THRB: variants seen among roughly 807,000 people sequenced by gnomAD.
The protein encoded by THRB is thyroid hormone receptor beta.
A neutral mutation model predicts 47.8 loss-of-function variants in THRB; 12 were observed. The ratio of observed to expected loss-of-function variants is 0.25; its 90% CI spans 0.16 to 0.41. The LOEUF (loss-of-function observed/expected upper bound fraction) is 0.41. THRB is among the 10% of genes least tolerant of loss of function. The probability of loss-of-function intolerance (pLI) is 1.00; values close to 1 mark genes in which losing one functional copy is unlikely to be tolerated. For synonymous variants in THRB, 218 were observed against 212.2 expected (o/e 1.03, Z -0.24); for missense variants, 348 against 589.2 (o/e 0.59, Z 4.24).
At chr3:24,409,556 G>A (rs1321950946) in intron 1 of THRB, among the ~76,000 whole-genome samples, 1 of 151,682 alleles carries the variant, frequency 6.6e-6, no homozygotes, top group Admixed American at 6.6e-5. Context: ...AGCTGTACAA[G>A]GAGAATTACA....
intron 1 of THRB, among the ~76,000 whole-genome samples, chr3:24,452,104 G>A (rs530148282): frequency 2.0e-5 from 3 of 152,206 alleles, no homozygotes; most frequent in African/African-American, 7.2e-5. Context: ...AGTCTTGGGG[G>A]CTGGGGAGTA....
At chr3:24,416,926 T>C (rs1194957234) in intron 1 of THRB, among the ~76,000 whole-genome samples, 1 of 151,948 alleles carries the variant, frequency 6.6e-6, no homozygotes, top group Non-Finnish European at 1.5e-5. Context: ...TAGACGTTAA[T>C]GTTTGTGAAC....
chr3:24,156,195 TG>T (rs1245960358), intron 5 of THRB, among the ~76,000 whole-genome samples: 4 of 152,250 alleles, frequency 2.6e-5, no homozygotes, highest in Admixed American at 2.6e-4. Flanking sequence ...GGGAAAGTTT[TG>T]TACATTTGCA....
chr3:24,288,702 C>A (rs1041686559), intron 3 of THRB, among the ~76,000 whole-genome samples: 26 of 152,156 alleles, frequency 1.7e-4, no homozygotes, highest in Admixed American at 1.4e-3. Flanking sequence ...TACACTAAAG[C>A]AGTGTTTTTC....
Position 24,311,746 on chromosome 3 carries a change from T to C in THRB, c.-188-14375A>G, listed in dbSNP as rs2057774963. 2.6e-5 allele frequency among the ~76,000 whole-genome samples: 4 copies of C among 152,306 alleles called. No homozygotes were observed. The South Asian group carries it at 8.3e-4, about 32-fold the overall frequency. On this transcript the variant is annotated intron_variant, in intron 2 of 10. Coordinates refer to ENST00000646209, the MANE Select transcript of THRB (RefSeq NM_001354712.2). The stretch of plus-strand genomic sequence containing the variant: ...TCCTTGCTCTTTCAATGTTGGTTCA[T>C]ACCAACATTATTTCTCACCTGGATT...
intron 1 of THRB, among the ~76,000 whole-genome samples, chr3:24,372,592 C>T (rs1267354776): frequency 6.6e-6 from 1 of 152,066 alleles, no homozygotes; most frequent in Non-Finnish European, 1.5e-5. Flanking sequence ...TAATCCAGGG[C>T]TGTTCCTTTA....
At chr3:24,253,838 C>T (rs1245777311) in intron 3 of THRB, among the ~76,000 whole-genome samples, 1 of 151,938 alleles carries the variant, frequency 6.6e-6, no homozygotes, top group Non-Finnish European at 1.5e-5. Context: ...GGTTTGAAAA[C>T]AAACACAGCA....
intron 1 of THRB, among the ~76,000 whole-genome samples, chr3:24,479,159 T>G (rs886798197): frequency 4.6e-5 from 7 of 151,942 alleles, no homozygotes; most frequent in African/African-American, 9.7e-5. Flanking sequence ...AAAATTTGCC[T>G]GGCGTGGTGG....
upstream of THRB, chr3:24,495,130 T>G (rs2126005881): frequency 6.6e-6 from 1 of 151,990 alleles, no homozygotes; most frequent in East Asian, 2.0e-4. Flanking sequence ...GGCGCTGTCT[T>G]ACTCCGGGCC....
At chr3:24,417,227 T>G (rs1321233788) in intron 1 of THRB, among the ~76,000 whole-genome samples, 1 of 151,836 alleles carries the variant, frequency 6.6e-6, no homozygotes, top group East Asian at 2.0e-4. Flanking sequence ...GTGAATTCAT[T>G]AAATACATAT....
chr3:24,149,460 T>C (rs1262942555), intron 6 of THRB, among the ~76,000 whole-genome samples: 3 of 152,176 alleles, frequency 2.0e-5, no homozygotes, highest in African/African-American at 7.2e-5. Context: ...GAGAATGAGG[T>C]GTGACACACC....
At chr3:24,264,878 G>A (rs372873317) in intron 3 of THRB, among the ~76,000 whole-genome samples, 1 of 152,234 alleles carries the variant, frequency 6.6e-6, no homozygotes, top group East Asian at 1.9e-4. Flanking sequence ...ACAGCAGAGG[G>A]CCCCAGAACC....
intron 4 of THRB, among the ~76,000 whole-genome samples, chr3:24,208,898 A>T (rs960406473): frequency 6.6e-6 from 1 of 152,256 alleles, no homozygotes; most frequent in African/African-American, 2.4e-5. Context: ...CATCAGAGTG[A>T]ACAGGCAACC....
rs888631903 is a variant in THRB at position 24,417,243 on chromosome 3, T to G, written c.-261+77409A>C. On this transcript the variant is annotated intron_variant, in intron 1 of 10. Coordinates refer to ENST00000646209, the MANE Select transcript of THRB (RefSeq NM_001354712.2). ...TGAATTCATTAAATACATATAATTG[T>G]GTATTTATGCAAGTAGGCTTGAGAG... is the stretch of plus-strand genomic sequence containing the variant. Among the ~76,000 whole-genome samples, 6 of 151,960 alleles carry G rather than the reference T, an allele frequency of 3.9e-5. No individual in the cohort carries two copies. The East Asian group carries it at 1.2e-3, about 30-fold the overall frequency.
Position 24,228,998 on chromosome 3 carries a change from T to C in THRB, c.-39A>G. The C allele has an allele frequency of 1.9e-6, 3 of 1,560,488 alleles. No individual in the cohort carries two copies. Among genetic ancestry groups the C allele is most frequent in the Non-Finnish European group, 2.6e-6 (3 of 1,142,952 alleles). ...TTCTGGATCCCTTTTTTCACTGACA[T>C]CTCCTACAAGGAAAAAATACAAAAA... On this transcript the variant is annotated 5_prime_UTR_variant, in exon 4 of 11. It removes an upstream start codon present in the reference 5' UTR. Transcript: ENST00000646209.
At chr3:24,465,181 G>A (rs1255583259) in intron 1 of THRB, among the ~76,000 whole-genome samples, 1 of 151,994 alleles carries the variant, frequency 6.6e-6, no homozygotes, top group African/African-American at 2.4e-5. Flanking sequence ...TTCATCCTTA[G>A]TTTTGAATTA....
At chr3:24,347,793 A>C (rs73041657) in intron 1 of THRB, among the ~76,000 whole-genome samples, 1,972 of 152,162 alleles carry the variant, frequency 0.013, 19 homozygotes, top group South Asian at 0.026. Flanking sequence ...TAAAAATGTG[A>C]ATGGTACTAT....
At chr3:24,195,879 C>T (rs12632126) in intron 4 of THRB, among the ~76,000 whole-genome samples, 2,377 of 152,342 alleles carry the variant, frequency 0.016, 51 homozygotes, top group African/African-American at 0.046. Context: ...ACCAGCTCTC[C>T]AACCATTTTC....
At chr3:24,289,216 C>T (rs191980053) in intron 3 of THRB, among the ~76,000 whole-genome samples, 3 of 152,196 alleles carry the variant, frequency 2.0e-5, no homozygotes, top group Admixed American at 6.5e-5. Context: ...AAATGAAACA[C>T]GTAGGATTTA....
Sources: gnomAD v4.1 joint callset for allele counts (sites outside exome capture counted in the v4.1 genomes callset) on GRCh38, gnomAD v4.1.1 for gene constraint, MANE v1.5 for transcripts, NCBI Gene and HGNC (gene_info 2026-07-23, HGNC 2026-07-21) for gene names.